The following CHD9 variants were observed in gnomAD, a reference collection of about 807,000 sequenced individuals.
CHD9 encodes chromodomain helicase DNA binding protein 9, also known as ATP-dependent chromatin remodeler CHD9.
CHD9 carries 77 observed loss-of-function variants against 316.1 expected under a neutral mutation model. That is an observed-to-expected ratio of 0.24 (90% confidence interval 0.20 to 0.29). CHD9 has a LOEUF of 0.29. Ranked by LOEUF, CHD9 falls within the 10% of genes least tolerant of loss-of-function variation. CHD9 has a pLI of 1.00. For missense variants in CHD9, 2,763 were observed against 3,438.1 expected (o/e 0.80, Z 4.91); for synonymous variants, 1,129 against 1,158.3 (o/e 0.97, Z 0.51).
intron 29 of CHD9, among the ~76,000 whole-genome samples, chr16:53,296,122 TACTC>T (rs528669508): frequency 3.8e-4 from 58 of 152,348 alleles, no homozygotes; most frequent in African/African-American, 1.4e-3. Context: ...AAATGCCACT[TACTC>T]TGTGATGCCT....
chr16:53,171,089 G>A (rs1053091982), intron 2 of CHD9, among the ~76,000 whole-genome samples: 1 of 152,032 alleles, frequency 6.6e-6, no homozygotes, highest in Non-Finnish European at 1.5e-5. Flanking sequence ...TCTCCTTTTA[G>A]GATTGGCATA....
intron 1 of CHD9, among the ~76,000 whole-genome samples, chr16:53,095,371 C>T (rs1386744636): frequency 6.6e-6 from 1 of 151,920 alleles, no homozygotes; most frequent in East Asian, 1.9e-4. Context: ...CACAGCAAGA[C>T]CCTGTCTCTA....
chr16:53,074,504 C>T (rs887671924), intron 1 of CHD9, among the ~76,000 whole-genome samples: 1 of 152,156 alleles, frequency 6.6e-6, no homozygotes, highest in Non-Finnish European at 1.5e-5. Flanking sequence ...CCATCACAGG[C>T]CCAGAGGTTG....
At chr16:53,133,424 G>A (rs546038903) in intron 1 of CHD9, among the ~76,000 whole-genome samples, 1 of 152,202 alleles carries the variant, frequency 6.6e-6, no homozygotes, top group Admixed American at 6.5e-5. Context: ...AACTTATTAA[G>A]ACTGCATCCC....
intron 1 of CHD9, among the ~76,000 whole-genome samples, chr16:53,129,383 G>A (rs775749031): frequency 4.6e-5 from 7 of 152,218 alleles, no homozygotes; most frequent in Non-Finnish European, 8.8e-5. Flanking sequence ...TGCATTCTTG[G>A]TCTAATATGT....
At position 53,255,512 on chromosome 16, in the gene CHD9, C is replaced by T. The variant is rs1338337697; in HGVS notation, c.4030-88C>T. The T allele has an allele frequency of 1.1e-5, 13 of 1,195,660 alleles. No individual in the cohort carries two copies. The South Asian group carries it at 1.9e-4, about 18-fold the overall frequency. 74.1% of individuals were successfully genotyped at this position (1,195,660 alleles called of 1,614,324 possible). A position where few individuals can be genotyped will look rare whatever the true frequency, so the allele number is the denominator to read the frequency against. On this transcript the variant is annotated intron_variant, in intron 18 of 38. Coordinates refer to ENST00000447540, the MANE Select transcript of CHD9 (RefSeq NM_001308319.2). ...ACCCAAATGCAGTTTAAGCATGCCT[C>T]TTGTGTTCTTTGACATCCTTTAGGG...
rs757775970 is a variant in CHD9 at position 53,324,913 on chromosome 16, T to G, written c.*18T>G. On this transcript the variant is annotated 3_prime_UTR_variant, in exon 39 of 39. Coordinates refer to ENST00000447540, the MANE Select transcript of CHD9 (RefSeq NM_001308319.2). ...AAGACTGATTCCCAGACTCTGCACT[T>G]AAAATATGAACTGATTTTGGATTTT... 1.3e-6 allele frequency: 2 copies of G among 1,540,426 alleles called. No individual in the cohort carries two copies. The highest frequency in any genetic ancestry group is 2.5e-5 in the South Asian group (2 of 78,696).
At chr16:53,242,160 G>A (rs979638188) in intron 12 of CHD9, among the ~76,000 whole-genome samples, 1 of 152,020 alleles carries the variant, frequency 6.6e-6, no homozygotes, top group Non-Finnish European at 1.5e-5. Flanking sequence ...TCGCAATAAT[G>A]GTCTCCCAAC....
intron 2 of CHD9, among the ~76,000 whole-genome samples, chr16:53,203,060 A>C (rs2045592821): frequency 6.6e-6 from 1 of 152,230 alleles, no homozygotes; most frequent in Non-Finnish European, 1.5e-5. Context: ...CATTAAATAA[A>C]AATCAAAAGA....
At chr16:53,172,425 C>A (rs1243343754) in intron 2 of CHD9, among the ~76,000 whole-genome samples, 1 of 152,016 alleles carries the variant, frequency 6.6e-6, no homozygotes, top group Non-Finnish European at 1.5e-5. Context: ...TGTTCGTTCA[C>A]CTGATGATGT....
chr16:53,195,261 T>C (rs1321116285), intron 2 of CHD9, among the ~76,000 whole-genome samples: 1 of 152,248 alleles, frequency 6.6e-6, no homozygotes, highest in Non-Finnish European at 1.5e-5. Context: ...ACCACCATTC[T>C]GATTTATAAC....
chr16:53,316,698 A>T (rs1242347162), intron 36 of CHD9, among the ~76,000 whole-genome samples: 1 of 152,212 alleles, frequency 6.6e-6, no homozygotes, highest in Admixed American at 6.5e-5. Context: ...TTCTGTAGCT[A>T]AACAATTATA....
At chr16:53,104,655 A>T (rs575752009) in intron 1 of CHD9, among the ~76,000 whole-genome samples, 1 of 152,082 alleles carries the variant, frequency 6.6e-6, no homozygotes, top group East Asian at 1.9e-4. Flanking sequence ...TACTAAAAAT[A>T]CAAAAAATTA....
intron 3 of CHD9, among the ~76,000 whole-genome samples, chr16:53,210,290 C>CAAAAAAAA (rs5816890): frequency 8.9e-6 from 1 of 112,176 alleles, no homozygotes. Context: ...AATGAAATGG[C>CAAAAAAAA]AAAAAAAAAA....
intron 1 of CHD9, among the ~76,000 whole-genome samples, chr16:53,138,049 A>G (rs1260618341): frequency 6.6e-6 from 1 of 152,204 alleles, no homozygotes; most frequent in Non-Finnish European, 1.5e-5. Flanking sequence ...GAAATATGAC[A>G]AAGATCTGTA....
intron 2 of CHD9, among the ~76,000 whole-genome samples, chr16:53,191,661 T>C (rs1456225108): frequency 1.3e-5 from 2 of 152,182 alleles, no homozygotes; most frequent in Admixed American, 1.3e-4. Flanking sequence ...CACAATTTAC[T>C]CATATGCCTC....
chr16:53,320,668 A>C (rs2057215018), intron 37 of CHD9, among the ~76,000 whole-genome samples: 1 of 152,174 alleles, frequency 6.6e-6, no homozygotes, highest in Non-Finnish European at 1.5e-5. Context: ...AGGGATGTTA[A>C]ATTGGTAGGT....
chr16:53,306,197 T>C, intron 31 of CHD9, 40 bp from the exon 32 acceptor site: 1 of 1,236,862 alleles, frequency 8.1e-7, no homozygotes, highest in African/African-American at 1.6e-5. Flanking sequence ...AACTATTTTA[T>C]GTAGTCTTTT....
At position 53,324,593 on chromosome 16, in the gene CHD9, C is replaced by T; in HGVS notation, c.8392C>T (p.Leu2798=). 6.2e-7 allele frequency: 1 copy of T among 1,613,612 alleles called. No homozygotes were observed. Among genetic ancestry groups the T allele is most frequent in the Non-Finnish European group, 8.5e-7 (1 of 1,179,724 alleles). ...CCCATTAGCTCTTAACCCACTATTACTATCTAATATACTTTATCCAGGGAT... is the reference window on the plus strand; with the variant it reads ...CCCATTAGCTCTTAACCCACTATTATTATCTAATATACTTTATCCAGGGAT... ...ANPLALNPLL[L]SNILYPGMLL... Residue 2798 remains leucine, a synonymous_variant, in exon 39 of 39, where the codon CTA becomes TTA. Coordinates refer to ENST00000447540, the MANE Select transcript of CHD9 (RefSeq NM_001308319.2).
Sources: allele counts gnomAD v4.1 joint callset (sites outside exome capture counted in the v4.1 genomes callset), GRCh38; gene constraint gnomAD v4.1.1; transcripts MANE v1.5; gene names NCBI Gene and HGNC (gene_info 2026-07-23, HGNC 2026-07-21).